Variants in APP observed in about 807,000 individuals in gnomAD.
APP encodes amyloid-beta precursor protein.
Under a neutral mutation model 101.4 loss-of-function variants are expected in APP, and 31 were observed. That is an observed-to-expected ratio of 0.31 (90% CI 0.23 to 0.41). APP has a LOEUF of 0.41. Among genes scored for constraint, APP ranks in the 10% least tolerant of loss-of-function variants. The pLI, the probability that APP is intolerant of heterozygous loss-of-function variation, is 1.00. For missense variants in APP, 839 were observed against 1,003.7 expected, an observed-to-expected ratio of 0.84 and a Z score of 2.22; for synonymous variants, 366 against 364.4, an observed-to-expected ratio of 1.00 and a Z score of -0.05.
intron 15 of APP, among the ~76,000 whole-genome samples, chr21:25,900,407 AAATT>A (rs1381167640): frequency 1.7e-4 from 22 of 129,462 alleles, no homozygotes; most frequent in African/African-American, 6.4e-4. Context: ...AAAAAAAAAA[AAATT>A]AGCCAGGTGT....
chr21:26,121,535 G>A (rs4493343), intron 1 of APP, among the ~76,000 whole-genome samples: 5,867 of 151,988 alleles, frequency 0.039, 233 homozygotes, highest in Admixed American at 0.12. Context: ...TTACAGGCGC[G>A]CGTCACCACA....
At chr21:25,949,253 C>T (rs548070506) in intron 13 of APP, among the ~76,000 whole-genome samples, 2 of 152,282 alleles carry the variant, frequency 1.3e-5, no homozygotes, top group African/African-American at 4.8e-5. Flanking sequence ...GGAATAGCTT[C>T]AGACTGTGGT....
chr21:25,906,287 G>A (rs1050840207), intron 14 of APP, among the ~76,000 whole-genome samples: 2 of 152,256 alleles, frequency 1.3e-5, no homozygotes, highest in Non-Finnish European at 2.9e-5. Context: ...TTCTCATGTA[G>A]AGACTGGCAG....
intron 1 of APP, among the ~76,000 whole-genome samples, chr21:26,145,343 G>A (rs2063132252): frequency 6.6e-6 from 1 of 152,170 alleles, no homozygotes; most frequent in East Asian, 1.9e-4. Context: ...ATGGTTTTGG[G>A]ATGAAACTCT....
chr21:25,913,444 T>A (rs943449216), intron 13 of APP, among the ~76,000 whole-genome samples: 2 of 152,254 alleles, frequency 1.3e-5, no homozygotes, highest in African/African-American at 4.8e-5. Flanking sequence ...AACTTTTTCA[T>A]GTTTTACAAA....
At position 25,954,693 on chromosome 21, in the gene APP, C is replaced by T; in HGVS notation, c.1588-4G>A. On this transcript the variant is annotated splice_polypyrimidine_tract_variant and splice_region_variant and intron_variant, in intron 12 of 17. Transcript: ENST00000346798. ...TCACACGGAGGTGTGTCATAACCTGCATCAAAGGATGACAACTCCAGGTCA... is the reference window on the plus strand; with the variant it reads ...TCACACGGAGGTGTGTCATAACCTGTATCAAAGGATGACAACTCCAGGTCA... 1.9e-6 allele frequency: 3 copies of T among 1,610,540 alleles called. No homozygotes were observed. The highest frequency in any genetic ancestry group is 2.5e-6 in the Non-Finnish European group (3 of 1,176,966).
At chr21:25,906,645 AG>A (rs1220969296) in intron 14 of APP, among the ~76,000 whole-genome samples, 3 of 152,174 alleles carry the variant, frequency 2.0e-5, no homozygotes, top group African/African-American at 7.2e-5. Flanking sequence ...TTCGACAATG[AG>A]GTTTGGTTTT....
intron 3 of APP, among the ~76,000 whole-genome samples, chr21:26,084,685 T>C (rs982886508): frequency 2.0e-5 from 3 of 152,222 alleles, no homozygotes; most frequent in Non-Finnish European, 2.9e-5. Context: ...GGCTGCCATA[T>C]GCAATTTTGG....
chr21:25,942,019 C>T (rs1299677902), intron 13 of APP: 2 of 152,150 alleles, frequency 1.3e-5, no homozygotes, highest in Non-Finnish European at 2.9e-5. Flanking sequence ...CATGGGCTGG[C>T]TTATGACTTC....
At chr21:25,961,127 G>T (rs545680270) in intron 11 of APP, among the ~76,000 whole-genome samples, 17 of 152,298 alleles carry the variant, frequency 1.1e-4, no homozygotes, top group African/African-American at 3.8e-4. Context: ...ACCCTGGAGA[G>T]GCTAATCAGA....
chr21:26,025,541 C>T (rs751184819), intron 5 of APP, among the ~76,000 whole-genome samples: 1 of 152,190 alleles, frequency 6.6e-6, no homozygotes, highest in Admixed American at 6.5e-5. Flanking sequence ...TGGGTATCCC[C>T]AGGTTCCTTC....
chr21:25,962,414 CT>C (rs1380320116), intron 11 of APP, among the ~76,000 whole-genome samples: 2 of 152,248 alleles, frequency 1.3e-5, no homozygotes, highest in East Asian at 3.9e-4. Flanking sequence ...AATTTGGTTG[CT>C]AATAAATATT....
chr21:26,168,718 G>T (rs2063671030), intron 1 of APP, among the ~76,000 whole-genome samples: 1 of 152,326 alleles, frequency 6.6e-6, no homozygotes, highest in African/African-American at 2.4e-5. Context: ...ACAAATAAAT[G>T]TAAGTAAGTC....
In APP at chr21:25,897,642, C is replaced by G. The variant is rs63750363; in HGVS notation, c.1995G>C (p.Glu665Asp). ...CTGCATCCATCTTCACTTCAGAGATCTCCTCCGTCTTGATATTTGTCAACC... is the reference window on the plus strand; with the variant it reads ...CTGCATCCATCTTCACTTCAGAGATGTCCTCCGTCTTGATATTTGTCAACC... ...GSGLTNIKTE[E>D]ISEVKMDAEF... Residue 665 changes from glutamate (E) to aspartate (D), a missense_variant, in exon 16 of 18, where the codon GAG becomes GAC. Transcript: ENST00000346798. 2.4e-5 allele frequency: 38 copies of G among 1,613,802 alleles called. No individual in the cohort carries two copies. The highest frequency in any genetic ancestry group is 3.3e-5 in the Admixed American group (2 of 60,010).
chr21:26,107,357 A>T (rs185486190), intron 2 of APP, among the ~76,000 whole-genome samples: 1 of 152,276 alleles, frequency 6.6e-6, no homozygotes, highest in Non-Finnish European at 1.5e-5. Context: ...AAAATGAACC[A>T]TTTTTCACAT....
intron 1 of APP, among the ~76,000 whole-genome samples, chr21:26,135,107 A>G (rs753169044): frequency 6.6e-6 from 1 of 152,226 alleles, no homozygotes; most frequent in Non-Finnish European, 1.5e-5. Context: ...TTCTTAGTGA[A>G]TAGACAGCAA....
At chr21:26,053,395 T>C (rs781007385) in intron 3 of APP, 47 bp from the exon 4 acceptor site, 6 of 1,329,606 alleles carry the variant, frequency 4.5e-6, no homozygotes, top group Non-Finnish European at 6.5e-6. Context: ...TGTATCACAG[T>C]GTTCTTACCG....
intron 5 of APP, 104 bp downstream of exon 5, chr21:26,050,896 C>T (rs958452472): frequency 7.2e-6 from 10 of 1,396,834 alleles, no homozygotes; most frequent in Non-Finnish European, 1.0e-5. Flanking sequence ...TGGGAGTGGG[C>T]AGAGACCTTT....
chr21:26,096,972 C>A (rs184820735), intron 2 of APP, among the ~76,000 whole-genome samples: 1 of 152,136 alleles, frequency 6.6e-6, no homozygotes, highest in African/African-American at 2.4e-5. Flanking sequence ...ACAGGGCCTG[C>A]CTGTGCCCTC....
Sources: gnomAD v4.1 joint callset for allele counts (sites outside exome capture counted in the v4.1 genomes callset) on GRCh38, gnomAD v4.1.1 for gene constraint, MANE v1.5 for transcripts, NCBI Gene and HGNC (gene_info 2026-07-23, HGNC 2026-07-21) for gene names.